SNX29: variants seen among roughly 807,000 people sequenced by gnomAD.
The protein encoded by SNX29 is sorting nexin 29.
A neutral mutation model predicts 102.1 loss-of-function variants in SNX29; 78 were observed. That is an observed-to-expected ratio of 0.76 (90% CI 0.64 to 0.92). The LOEUF (loss-of-function observed/expected upper bound fraction) is 0.92. Ranked by LOEUF, SNX29 falls within the 40% of genes least tolerant of loss-of-function variation. SNX29 has a pLI of 0.00. For missense variants in SNX29, 1,280 were observed against 1,061.7 expected (o/e 1.21, Z -2.86); for synonymous variants, 580 against 414.5 (o/e 1.40, Z -4.85).
chr16:12,482,105 T>C (rs758618314), intron 19 of SNX29, among the ~76,000 whole-genome samples: 1 of 152,178 alleles, frequency 6.6e-6, no homozygotes, highest in African/African-American at 2.4e-5. Flanking sequence ...AGCAAAATTT[T>C]TGGAGTGTGT....
intron 20 of SNX29, chr16:12,557,721 A>C (rs1311097575): frequency 2.0e-5 from 3 of 152,210 alleles, no homozygotes; most frequent in South Asian, 2.1e-4. Flanking sequence ...GCATCACCTC[A>C]GATGCAGGAG....
At position 12,574,225 on chromosome 16, in the gene SNX29, G is replaced by T. The variant is rs543758892; in HGVS notation, c.*5596G>T. 804 of 177,302 alleles carry T rather than the reference G, an allele frequency of 4.5e-3. 4 individuals are homozygous for T. Among genetic ancestry groups the T allele is most frequent in the Middle Eastern group, 0.013 (6 of 458 alleles). The allele number at this position is 177,302 out of a possible 1,614,324, so 11.0% of individuals were successfully genotyped here. On this transcript the variant is annotated 3_prime_UTR_variant, in exon 21 of 21. Transcript: ENST00000566228. Reference sequence around the variant, plus strand: ...GCTGTGGAAATTTTGTTACAACCTGGTTGAGATCAACCTCTTTACAATGAC... The same window carrying T: ...GCTGTGGAAATTTTGTTACAACCTGTTTGAGATCAACCTCTTTACAATGAC...
chr16:12,454,214 C>T lies in SNX29; in HGVS notation c.2038-23505C>T, dbSNP rs536891682. On this transcript the variant is annotated intron_variant, in intron 18 of 20. Transcript: ENST00000566228. Reference sequence around the variant, plus strand: ...TGATAGGTGGAACTCCAGCAGCCGCCTTGGGCCATGTGGTAACCTGGGGGA... The same window carrying T: ...TGATAGGTGGAACTCCAGCAGCCGCTTTGGGCCATGTGGTAACCTGGGGGA... Among the ~76,000 whole-genome samples the T allele has an allele frequency of 1.3e-4, 20 of 152,270 alleles. No homozygotes were observed. The East Asian group carries it at 3.7e-3, about 28-fold the overall frequency.
intron 11 of SNX29, among the ~76,000 whole-genome samples, chr16:12,102,979 A>T (rs528609337): frequency 4.6e-5 from 7 of 152,306 alleles, no homozygotes; most frequent in East Asian, 3.9e-4. Context: ...TAACATACCT[A>T]GGAATAAAAC....
chr16:12,446,983 G>T (rs2086085620), intron 18 of SNX29, among the ~76,000 whole-genome samples: 1 of 151,504 alleles, frequency 6.6e-6, no homozygotes, highest in Admixed American at 6.6e-5. Context: ...TGACCAACAT[G>T]GTGAGACCCC....
At chr16:12,562,176 A>C (rs768545700) in intron 20 of SNX29, among the ~76,000 whole-genome samples, 3 of 152,078 alleles carry the variant, frequency 2.0e-5, no homozygotes, top group African/African-American at 7.2e-5. Flanking sequence ...TTGAGGTCTG[A>C]CCTGAGCATA....
intron 15 of SNX29, among the ~76,000 whole-genome samples, chr16:12,312,236 C>A (rs984596220): frequency 6.6e-6 from 1 of 152,184 alleles, no homozygotes; most frequent in Admixed American, 6.5e-5. Context: ...GAATGAATGT[C>A]CCCATCCCAG....
At chr16:12,464,229 C>T (rs370006666) in intron 18 of SNX29, among the ~76,000 whole-genome samples, 184 of 141,038 alleles carry the variant, frequency 1.3e-3, no homozygotes, top group African/African-American at 4.0e-3. Context: ...TATTCCATGG[C>T]GTGTGTGTGT....
intron 14 of SNX29, among the ~76,000 whole-genome samples, chr16:12,276,271 C>G (rs1211597283): frequency 6.6e-6 from 1 of 152,112 alleles, no homozygotes; most frequent in East Asian, 1.9e-4. Context: ...TTACAGAGTT[C>G]TTCACAGTTT....
chr16:12,420,616 G>A (rs1022285072), intron 18 of SNX29, among the ~76,000 whole-genome samples: 1 of 152,202 alleles, frequency 6.6e-6, no homozygotes, highest in East Asian at 1.9e-4. Context: ...CTGCATGTCA[G>A]TTTCTGTCTC....
chr16:12,474,031 C>T (rs1259140952), intron 18 of SNX29, among the ~76,000 whole-genome samples: 1 of 152,078 alleles, frequency 6.6e-6, no homozygotes, highest in Admixed American at 6.6e-5. Context: ...TTCTTTCTTG[C>T]TTGAGATCCG....
chr16:12,155,195 A>G (rs958265630), intron 13 of SNX29, among the ~76,000 whole-genome samples: 4 of 152,308 alleles, frequency 2.6e-5, no homozygotes, highest in Middle Eastern at 3.4e-3. Context: ...TCTGCAGACC[A>G]GGAGAGAAAA....
chr16:12,278,445 G>A (rs1161127315), intron 15 of SNX29, among the ~76,000 whole-genome samples: 1 of 151,730 alleles, frequency 6.6e-6, no homozygotes, highest in Non-Finnish European at 1.5e-5. Flanking sequence ...CAAACTGGTC[G>A]AAGGGACCCC....
At chr16:12,241,533 C>T (rs2142296165) in intron 14 of SNX29, among the ~76,000 whole-genome samples, 1 of 151,994 alleles carries the variant, frequency 6.6e-6, no homozygotes, top group East Asian at 1.9e-4. Context: ...GATCTTAGCT[C>T]ACTGCAACCT....
intron 14 of SNX29, among the ~76,000 whole-genome samples, chr16:12,217,470 T>C (rs1024201555): frequency 2.0e-5 from 3 of 152,174 alleles, no homozygotes; most frequent in Admixed American, 1.3e-4. Context: ...CTCAATACTT[T>C]GAAACCTACA....
intron 18 of SNX29, among the ~76,000 whole-genome samples, chr16:12,471,649 T>G (rs1218679851): frequency 6.6e-6 from 1 of 152,208 alleles, no homozygotes; most frequent in Non-Finnish European, 1.5e-5. Context: ...GCCCCACAAG[T>G]TAGGGTGAAA....
At chr16:12,483,903 G>A (rs2088097306) in intron 19 of SNX29, among the ~76,000 whole-genome samples, 1 of 152,226 alleles carries the variant, frequency 6.6e-6, no homozygotes, top group Non-Finnish European at 1.5e-5. Flanking sequence ...ATTGGCCAGA[G>A]CAAGTTCCTT....
chr16:12,343,828 G>A (rs1304394395), intron 15 of SNX29, among the ~76,000 whole-genome samples: 2 of 152,220 alleles, frequency 1.3e-5, no homozygotes, highest in African/African-American at 2.4e-5. Flanking sequence ...AAACGTGAAT[G>A]AATGACTGAA....
intron 14 of SNX29, among the ~76,000 whole-genome samples, chr16:12,234,529 C>G (rs146733721): frequency 1.3e-5 from 2 of 151,894 alleles, no homozygotes; most frequent in African/African-American, 2.4e-5. Flanking sequence ...TTCATTTTCT[C>G]GATGGTGTCC....
Sources: gnomAD v4.1 joint callset for allele counts (sites outside exome capture counted in the v4.1 genomes callset) on GRCh38, gnomAD v4.1.1 for gene constraint, MANE v1.5 for transcripts, NCBI Gene and HGNC (gene_info 2026-07-23, HGNC 2026-07-21) for gene names.